EP300: variants seen among roughly 807,000 people sequenced by gnomAD.
The protein encoded by EP300 is histone acetyltransferase p300.
In EP300, 31 loss-of-function variants were observed where a neutral mutation model predicts 264.0. The ratio of observed to expected loss-of-function variants is 0.12; its 90% confidence interval spans 0.09 to 0.16. The LOEUF is 0.16. Ranked by LOEUF, EP300 falls within the 10% of genes least tolerant of loss-of-function variation. The pLI, the probability that EP300 is intolerant of heterozygous loss-of-function variation, is 1.00. For missense variants in EP300, 2,766 were observed against 3,052.9 expected (o/e 0.91, Z 2.21); for synonymous variants, 1,340 against 1,045.4 (o/e 1.28, Z -5.44).
At chr22:41,095,389 G>A (rs2058696767) in intron 1 of EP300, among the ~76,000 whole-genome samples, 8 of 151,664 alleles carry the variant, frequency 5.3e-5, no homozygotes, top group Admixed American at 5.3e-4. Context: ...AGACCACCAC[G>A]CCTGGCTGAT....
intron 2 of EP300, among the ~76,000 whole-genome samples, chr22:41,118,066 G>A (rs1423260667): frequency 1.3e-5 from 2 of 152,164 alleles, no homozygotes; most frequent in African/African-American, 2.4e-5. Flanking sequence ...ACAAGTATTG[G>A]AATGTTTTTA....
At chr22:41,095,800 C>A (rs560876523) in intron 1 of EP300, among the ~76,000 whole-genome samples, 1 of 151,986 alleles carries the variant, frequency 6.6e-6, no homozygotes, top group South Asian at 2.1e-4. Flanking sequence ...TTGCAAATTT[C>A]GTGATGTAAA....
intron 4 of EP300, among the ~76,000 whole-genome samples, chr22:41,128,539 G>C (rs967733904): frequency 6.6e-6 from 1 of 151,862 alleles, no homozygotes; most frequent in Non-Finnish European, 1.5e-5. Flanking sequence ...ACAGAGTCTC[G>C]CTCTGTTTCC....
chr22:41,125,779 T>G, intron 2 of EP300, 85 bp from the exon 3 acceptor site: 2 of 1,422,994 alleles, frequency 1.4e-6, no homozygotes, highest in Non-Finnish European at 2.0e-6. Context: ...ACTGTCTTTG[T>G]GAACTTGGAA....
chr22:41,100,614 A>G (rs1232030726), intron 1 of EP300, among the ~76,000 whole-genome samples: 1 of 152,168 alleles, frequency 6.6e-6, no homozygotes, highest in Non-Finnish European at 1.5e-5. Context: ...TCTTGTCATT[A>G]TTCCCTAAAC....
chr22:41,168,290 T>TA, intron 23 of EP300, 159 bp from the exon 24 acceptor site: 1 of 749,224 alleles, frequency 1.3e-6, no homozygotes, highest in South Asian at 1.6e-5. Flanking sequence ...ATATGACATG[T>TA]AAATCTGCAA....
Position 41,140,269 on chromosome 22 carries a change from G to GT in EP300, c.1878+19dup, listed in dbSNP as rs747624858. The GT allele has an allele frequency of 5.8e-6, 9 of 1,559,548 alleles. No homozygotes were observed. Among genetic ancestry groups the GT allele is most frequent in the Middle Eastern group, 1.7e-4 (1 of 5,962 alleles). On this transcript the variant is annotated intron_variant, in intron 9 of 30. Coordinates refer to ENST00000263253, the MANE Select transcript of EP300 (RefSeq NM_001429.4). ...CTGCAAACAATCGAGTGAGTGTCTGGTTTTTTTCTATTAATAGCCAAGATT... is the reference window on the plus strand; with the variant it reads ...CTGCAAACAATCGAGTGAGTGTCTGGTTTTTTTTCTATTAATAGCCAAGATT...
In EP300 at chr22:41,179,244, G is replaced by T; in HGVS notation, c.*288G>T. On this transcript the variant is annotated 3_prime_UTR_variant, in exon 31 of 31. Coordinates refer to ENST00000263253, the MANE Select transcript of EP300 (RefSeq NM_001429.4). ...CTGGGAGGAGGCTGAGGCCTGTGAA[G>T]CCAAACAATATGCTCCTGCCTTGCA... 2.4e-6 allele frequency: 1 copy of T among 421,242 alleles called. No individual in the cohort carries two copies. The highest frequency in any genetic ancestry group is 4.3e-6 in the Non-Finnish European group (1 of 234,552). The allele number at this position is 421,242 out of a possible 1,614,324, so 26.1% of individuals were successfully genotyped here. A position where few individuals can be genotyped will look rare whatever the true frequency, so the allele number is the denominator to read the frequency against.
intron 1 of EP300, among the ~76,000 whole-genome samples, chr22:41,093,862 G>T (rs1280941452): frequency 1.3e-5 from 2 of 152,158 alleles, no homozygotes; most frequent in African/African-American, 4.8e-5. Context: ...GTGGAGTTAC[G>T]TACCTGGAAA....
At chr22:41,159,596 C>A (rs545919968) in intron 19 of EP300, 1 of 152,342 alleles carries the variant, frequency 6.6e-6, no homozygotes, top group African/African-American at 2.4e-5. Context: ...TACCTGCACA[C>A]ATCATTTCCT....
At chr22:41,174,277 A>G (rs941997512) in intron 29 of EP300, among the ~76,000 whole-genome samples, 2 of 152,080 alleles carry the variant, frequency 1.3e-5, no homozygotes, top group Admixed American at 6.5e-5. Context: ...CTCTACTAAA[A>G]ATACAAAAAT....
At chr22:41,114,126 ATT>A (rs1056261990) in intron 1 of EP300, among the ~76,000 whole-genome samples, 97 of 152,292 alleles carry the variant, frequency 6.4e-4, no homozygotes, top group African/African-American at 2.2e-3. Flanking sequence ...TTAAGCAGGC[ATT>A]TTTGAATAGT....
In EP300 at chr22:41,094,725, TGTG is replaced by T. The variant is rs536241953; in HGVS notation, c.94+1630_94+1632del. On this transcript the variant is annotated intron_variant, in intron 1 of 30. Transcript: ENST00000263253. Reference sequence around the variant, plus strand: ...TGGTGTTTCTTTCGTATTTGTGTAATGTGGTAGTTTTTGCTTTTTAGTTTTGGT... The same window carrying T: ...TGGTGTTTCTTTCGTATTTGTGTAATGTAGTTTTTGCTTTTTAGTTTTGGT... Among the ~76,000 whole-genome samples, 21 of 152,356 alleles carry T rather than the reference TGTG, an allele frequency of 1.4e-4. 2 individuals are homozygous for T. The South Asian group carries it at 2.3e-3, about 17-fold the overall frequency.
At chr22:41,125,502 G>A (rs967866767) in intron 2 of EP300, among the ~76,000 whole-genome samples, 16 of 152,024 alleles carry the variant, frequency 1.1e-4, no homozygotes, top group South Asian at 2.1e-4. Context: ...CTGACCTCAA[G>A]AAACCCTCCT....
chr22:41,139,442 T>G (rs1188735822), intron 8 of EP300, among the ~76,000 whole-genome samples: 1 of 152,226 alleles, frequency 6.6e-6, no homozygotes, highest in Admixed American at 6.6e-5. Flanking sequence ...GTTAAAAGTT[T>G]ATTATATATG....
intron 14 of EP300, among the ~76,000 whole-genome samples, chr22:41,151,045 T>C (rs2059041290): frequency 6.6e-6 from 1 of 152,150 alleles, no homozygotes; most frequent in African/African-American, 2.4e-5. Context: ...CATCTAATAG[T>C]TGAATCCTTA....
intron 2 of EP300, among the ~76,000 whole-genome samples, chr22:41,119,150 A>G (rs1455066355): frequency 7.0e-6 from 1 of 142,634 alleles, no homozygotes; most frequent in Non-Finnish European, 1.5e-5. Flanking sequence ...CTGAAGGCAC[A>G]TACCACCATG....
At position 41,126,729 on chromosome 22, in the gene EP300, C is replaced by CTTTTTTTTTTTTTTT. The variant is rs71328775; in HGVS notation, c.906+707_906+721dup. ...TCATCTCTGTCCCGAGAAATGTTCA[C>CTTTTTTTTTTTTTTT]TTTTTTTTTTTTTTTTTTTTTTTTT... On this transcript the variant is annotated intron_variant, in intron 3 of 30. Coordinates refer to ENST00000263253, the MANE Select transcript of EP300 (RefSeq NM_001429.4). Among the ~76,000 whole-genome samples the CTTTTTTTTTTTTTTT allele has an allele frequency of 2.0e-4, 10 of 48,826 alleles. 1 individual carries two copies. The highest frequency in any genetic ancestry group is 1.2e-3 in the South Asian group (1 of 808). The allele number at this position is 48,826 out of a possible 152,430, so 32.0% of individuals were successfully genotyped here. A position where few individuals can be genotyped will look rare whatever the true frequency, so the allele number is the denominator to read the frequency against.
At chr22:41,173,518 C>A in intron 28 of EP300, 105 bp from the exon 29 acceptor site, 1 of 1,177,188 alleles carries the variant, frequency 8.5e-7, no homozygotes, top group Non-Finnish European at 1.2e-6. Context: ...AAGTTACAGG[C>A]ATAAGATTAT....
Sources: gnomAD v4.1 joint callset for allele counts (sites outside exome capture counted in the v4.1 genomes callset) on GRCh38, gnomAD v4.1.1 for gene constraint, MANE v1.5 for transcripts, NCBI Gene and HGNC (gene_info 2026-07-23, HGNC 2026-07-21) for gene names.